The following PITRM1 variants were observed in gnomAD, a reference collection of about 807,000 sequenced individuals.
PITRM1 encodes the protein presequence protease, mitochondrial.
In PITRM1, 100 loss-of-function variants were observed where a neutral mutation model predicts 129.9. The observed-to-expected ratio is 0.77, with a 90% CI of 0.65 to 0.91. PITRM1 has a LOEUF of 0.91. PITRM1 is among the 40% of genes least tolerant of loss of function. PITRM1 has a pLI of 0.00. For synonymous variants in PITRM1, 591 were observed against 508.8 expected, an observed-to-expected ratio of 1.16 and a Z score of -2.17; for missense variants, 1,471 against 1,318.3, an observed-to-expected ratio of 1.12 and a Z score of -1.79.
rs533816777 is a variant in PITRM1 at position 3,162,301 on chromosome 10, C to G, written c.791+1424G>C. Among the ~76,000 whole-genome samples, 41 of 152,324 alleles carry G rather than the reference C, an allele frequency of 2.7e-4. No homozygotes were observed. In the South Asian group the frequency reaches 7.9e-3, roughly 29 times the overall value. On this transcript the variant is annotated intron_variant, in intron 7 of 26. Transcript: ENST00000224949. Reference sequence around the variant, plus strand: ...CCACAGAACCATATTTCAAGATAACCCGATAGCCCAGCTGATGTGGAGCTC... The same window carrying G: ...CCACAGAACCATATTTCAAGATAACGCGATAGCCCAGCTGATGTGGAGCTC...
At chr10:3,153,093 T>G (rs1471705855) in intron 14 of PITRM1, among the ~76,000 whole-genome samples, 1 of 152,224 alleles carries the variant, frequency 6.6e-6, no homozygotes, top group Non-Finnish European at 1.5e-5. Flanking sequence ...CCATGCACAC[T>G]TGAAGACTTA....
intron 15 of PITRM1, 84 bp from the exon 16 acceptor site, chr10:3,149,837 T>C (rs1841326187): frequency 6.9e-7 from 1 of 1,447,302 alleles, no homozygotes; most frequent in Non-Finnish European, 9.6e-7. Flanking sequence ...TGCTATTTAT[T>C]GTTTTTTCAA....
At chr10:3,148,359 C>T in intron 16 of PITRM1, 68 bp from the exon 17 acceptor site, 1 of 1,518,152 alleles carries the variant, frequency 6.6e-7, no homozygotes, top group Non-Finnish European at 8.8e-7. Flanking sequence ...TAAAATCGTG[C>T]ATCTTGAGTT....
intron 21 of PITRM1, chr10:3,145,375 C>T (rs1368555579): frequency 3.1e-5 from 17 of 546,998 alleles, no homozygotes; most frequent in Admixed American, 2.0e-4. Context: ...GAAGTGAGCG[C>T]GGGATCTAAG....
chr10:3,170,376 C>T (rs1843232762), intron 1 of PITRM1, among the ~76,000 whole-genome samples, 170 bp from the exon 2 acceptor site: 1 of 152,172 alleles, frequency 6.6e-6, no homozygotes, highest in Non-Finnish European at 1.5e-5. Flanking sequence ...TGGTAAGGTC[C>T]TTTCCATTTT....
chr10:3,139,091 T>C (rs1282271871), intron 24 of PITRM1, 42 bp from the exon 25 acceptor site: 3 of 1,564,414 alleles, frequency 1.9e-6, no homozygotes, highest in African/African-American at 1.4e-5. Flanking sequence ...ATTTTACCAG[T>C]GGACAAGTTT....
chr10:3,170,980 T>C (rs1171411709), intron 1 of PITRM1, among the ~76,000 whole-genome samples: 1 of 151,460 alleles, frequency 6.6e-6, no homozygotes, highest in African/African-American at 2.4e-5. Flanking sequence ...AAAAAAATGC[T>C]GAAGATTGGA....
At chr10:3,157,098 T>C in intron 12 of PITRM1, 34 bp from the exon 13 acceptor site, 1 of 1,592,304 alleles carries the variant, frequency 6.3e-7, no homozygotes. Context: ...ACAATGCAGC[T>C]GGTACCACAG....
Position 3,148,258 on chromosome 10 carries a change from C to A in PITRM1, c.1905G>T (p.Gln635His). The change falls in exon 17 of 27, where the codon CAG (glutamine) becomes CAT (histidine). Residue 635 changes from glutamine (Q) to histidine (H), a missense_variant. Transcript: ENST00000224949. ...CGGTCTTCAATTCTATCTGCTGAGC[C>A]TGCTCCCGGTAGTCAAGAAGGCCGC... ...LGCGLLDYRE[Q>H]AQQIELKTGG... 2 of 1,613,808 alleles carry A rather than the reference C, an allele frequency of 1.2e-6. No homozygotes were observed. The highest frequency in any genetic ancestry group is 1.7e-6 in the Non-Finnish European group (2 of 1,179,770).
intron 9 of PITRM1, among the ~76,000 whole-genome samples, chr10:3,159,589 T>C (rs528490341): frequency 3.9e-4 from 60 of 152,372 alleles, no homozygotes; most frequent in African/African-American, 1.4e-3. Context: ...GTCTTTTCTC[T>C]GTAGGAATAA....
intron 23 of PITRM1, 92 bp from the exon 24 acceptor site, chr10:3,140,904 G>A (rs753731839): frequency 3.6e-4 from 412 of 1,158,396 alleles, no homozygotes; most frequent in East Asian, 4.9e-4. Context: ...AATGAAAATC[G>A]AGTTGTAAAA....
intron 14 of PITRM1, among the ~76,000 whole-genome samples, chr10:3,153,681 C>A (rs1841720519): frequency 6.6e-6 from 1 of 151,910 alleles, no homozygotes; most frequent in African/African-American, 2.4e-5. Flanking sequence ...ATTCAGATAG[C>A]AAGAGTAAGA....
chr10:3,159,518 C>T (rs1004880407), intron 9 of PITRM1, among the ~76,000 whole-genome samples: 32 of 152,232 alleles, frequency 2.1e-4, no homozygotes, highest in African/African-American at 7.5e-4. Flanking sequence ...GTTCATAGTA[C>T]CATTCTCACA....
intron 24 of PITRM1, among the ~76,000 whole-genome samples, chr10:3,140,279 G>A (rs1306835465): frequency 2.0e-5 from 3 of 152,226 alleles, no homozygotes; most frequent in African/African-American, 7.2e-5. Flanking sequence ...ACCGTAGACA[G>A]CGTCAGCTTT....
chr10:3,166,935 C>T lies in PITRM1; in HGVS notation c.266+1G>A, dbSNP rs2132508736. On this transcript the variant is annotated splice_donor_variant, in intron 3 of 26. Coordinates refer to ENST00000224949, the MANE Select transcript of PITRM1 (RefSeq NM_014889.4). LOFTEE classifies it high-confidence loss of function. Reference sequence around the variant, plus strand: ...CCATGTTCTTACAATGCACCACACACCTGAACAGATTATTCGTGTCTTCTC... The same window carrying T: ...CCATGTTCTTACAATGCACCACACATCTGAACAGATTATTCGTGTCTTCTC... The T allele has an allele frequency of 1.9e-6, 3 of 1,568,524 alleles. No individual in the cohort carries two copies. Among genetic ancestry groups the T allele is most frequent in the East Asian group, 2.2e-5 (1 of 44,648 alleles).
chr10:3,170,688 T>C (rs927561299), intron 1 of PITRM1, among the ~76,000 whole-genome samples: 1 of 152,210 alleles, frequency 6.6e-6, no homozygotes, highest in African/African-American at 2.4e-5. Flanking sequence ...GGAAAAGCAC[T>C]TGGCATTCTT....
intron 21 of PITRM1, among the ~76,000 whole-genome samples, 180 bp from the exon 22 acceptor site, chr10:3,144,546 A>G (rs1840647416): frequency 6.6e-6 from 1 of 152,232 alleles, no homozygotes; most frequent in Non-Finnish European, 1.5e-5. Context: ...GCTCATGCCT[A>G]TAATGCCAGC....
In PITRM1 at chr10:3,165,462, C is replaced by G; in HGVS notation, c.484G>C (p.Val162Leu). ...NPKDFQNLLS[V>L]YLDATFFPCL... ...GGGAAAAAGGTGGCATCCAAATACA[C>G]CGAGAGGAGATTCTGAAAGTCCTTG... The change falls in exon 5 of 27, where the codon GTG (valine) becomes CTG (leucine). Residue 162 changes from valine to leucine, a missense_variant. Physicochemically the swap from Val to Leu is conservative, Grantham distance 32 (BLOSUM62 1). Transcript: ENST00000224949. 1.2e-5 allele frequency: 20 copies of G among 1,613,622 alleles called. No individual in the cohort carries two copies. Among genetic ancestry groups the G allele is most frequent in the Non-Finnish European group, 1.6e-5 (19 of 1,179,756 alleles).
chr10:3,138,713 T>C (rs1178584021), intron 25 of PITRM1, 191 bp downstream of exon 25: 1 of 722,054 alleles, frequency 1.4e-6, no homozygotes, highest in Non-Finnish European at 2.5e-6. Context: ...GTAAAACAAA[T>C]GACAGGATGC....
Sources: gnomAD v4.1 joint callset for allele counts (sites outside exome capture counted in the v4.1 genomes callset) on GRCh38, gnomAD v4.1.1 for gene constraint, MANE v1.5 for transcripts, NCBI Gene and HGNC (gene_info 2026-07-23, HGNC 2026-07-21) for gene names.